PTH1R: variants seen among roughly 807,000 people sequenced by gnomAD.
PTH1R encodes the protein parathyroid hormone/parathyroid hormone-related peptide receptor.
A neutral mutation model predicts 70.7 loss-of-function variants in PTH1R; 32 were observed. That is an observed-to-expected ratio of 0.45 (90% CI 0.34 to 0.61). PTH1R has a LOEUF of 0.61. Ranked by LOEUF, PTH1R falls within the 20% of genes least tolerant of loss-of-function variation. The pLI is 0.01. For missense variants in PTH1R, 626 were observed against 792.5 expected (o/e 0.79, Z 2.52); for synonymous variants, 329 against 324.8 (o/e 1.01, Z -0.14).
intron 4 of PTH1R, among the ~76,000 whole-genome samples, chr3:46,894,623 G>A (rs547197842): frequency 7.4e-4 from 112 of 152,090 alleles, no homozygotes; most frequent in African/African-American, 2.7e-3. Context: ...CATCCACCAT[G>A]GAGCCTCTCG....
At chr3:46,898,552 C>G (rs2031906398) in intron 8 of PTH1R, 80 bp downstream of exon 8, 1 of 1,597,780 alleles carries the variant, frequency 6.3e-7, no homozygotes. Flanking sequence ...CCCCTCCCTG[C>G]ACCCATCACC....
In PTH1R at chr3:46,892,436, G is replaced by A. The variant is rs1364982760; in HGVS notation, c.76-1471G>A. ...AACGCGCACGGACGGGCACACACAA[G>A]TGCACGCGCCGGCCACTCGAGAATG... is the stretch of plus-strand genomic sequence containing the variant. On this transcript the variant is annotated intron_variant, in intron 3 of 15. Transcript: ENST00000449590. The surrounding 1 kb of genome is among the most constrained non-coding windows in gnomAD (Gnocchi z 5.2). 6.6e-6 allele frequency among the ~76,000 whole-genome samples: 1 copy of A among 152,218 alleles called. No homozygotes were observed. The highest frequency in any genetic ancestry group is 1.5e-5 in the Non-Finnish European group (1 of 68,034).
At position 46,896,277 on chromosome 3, in the gene PTH1R, A is replaced by G. The variant is rs1292809820; in HGVS notation, c.313+408A>G. ...GGCAGGGAGAGACAGTCACAGAGATAGAGGGGACCAGGAGGCACACACTGA... is the reference window on the plus strand; with the variant it reads ...GGCAGGGAGAGACAGTCACAGAGATGGAGGGGACCAGGAGGCACACACTGA... On this transcript the variant is annotated intron_variant, in intron 5 of 15. Transcript: ENST00000449590. The surrounding 1 kb of genome is among the most constrained non-coding windows in gnomAD (Gnocchi z 4.1). 6.6e-6 allele frequency among the ~76,000 whole-genome samples: 1 copy of G among 152,116 alleles called. No individual in the cohort carries two copies. The highest frequency in any genetic ancestry group is 1.5e-5 in the Non-Finnish European group (1 of 68,022).
rs1228518305 is a variant in PTH1R at position 46,883,568 on chromosome 3, C to T, written c.9C>T (p.Thr3=). 4 of 1,537,240 alleles carry T rather than the reference C, an allele frequency of 2.6e-6. No individual in the cohort carries two copies. Among genetic ancestry groups the T allele is most frequent in the African/African-American group, 1.4e-5 (1 of 73,056 alleles). MG[T]ARIAPGLALL... ...GGCCCTAGGCGGTGGCGATGGGGAC[C>T]GCCCGGATCGCACCCGGCCTGGCGC... Residue 3 remains threonine (T), a synonymous_variant, in exon 3 of 16, where the codon ACC becomes ACT. Coordinates refer to ENST00000449590, the MANE Select transcript of PTH1R (RefSeq NM_000316.3). This position sits in a 1 kb window ranked among gnomAD's most constrained non-coding sequence, Gnocchi z 6.4.
Position 46,901,638 on chromosome 3 carries a change from G to T in PTH1R, c.1117-128G>T. 1 of 1,365,042 alleles carries T rather than the reference G, an allele frequency of 7.3e-7. No homozygotes were observed. Among genetic ancestry groups the T allele is most frequent in the South Asian group, 1.2e-5 (1 of 80,430 alleles). 84.6% of individuals were successfully genotyped at this position (1,365,042 alleles called of 1,614,324 possible). A position where few individuals can be genotyped will look rare whatever the true frequency, so the allele number is the denominator to read the frequency against. On this transcript the variant is annotated intron_variant, in intron 12 of 15. Transcript: ENST00000449590. The surrounding 1 kb of genome is among the most constrained non-coding windows in gnomAD (Gnocchi z 7.3). ...GCTGATCCACACTCCAGCCCAGAAA[G>T]GAAAACCAAGGGCTCAAGGAGCCAC... is the stretch of plus-strand genomic sequence containing the variant.
intron 3 of PTH1R, among the ~76,000 whole-genome samples, chr3:46,886,803 A>G (rs761544602): frequency 2.0e-5 from 3 of 152,234 alleles, no homozygotes; most frequent in Non-Finnish European, 4.4e-5. Flanking sequence ...TGAGAGTCAC[A>G]CAGTGAGTCT....
Position 46,892,346 on chromosome 3 carries a change from G to A in PTH1R, c.76-1561G>A, listed in dbSNP as rs200128970. Among the ~76,000 whole-genome samples the A allele has an allele frequency of 6.6e-6, 1 of 152,180 alleles. No individual in the cohort carries two copies. Among genetic ancestry groups the A allele is most frequent in the African/African-American group, 2.4e-5 (1 of 41,444 alleles). On this transcript the variant is annotated intron_variant, in intron 3 of 15. Coordinates refer to ENST00000449590, the MANE Select transcript of PTH1R (RefSeq NM_000316.3). This position sits in a 1 kb window ranked among gnomAD's most constrained non-coding sequence, Gnocchi z 5.2. ...CCTATGCCCAGAAATACATGTGCAC[G>A]TGCATGCTCACAAACACGTCCGGCT...
At chr3:46,898,214 A>G in intron 7 of PTH1R, 22 bp downstream of exon 7, 1 of 1,610,974 alleles carries the variant, frequency 6.2e-7, no homozygotes. Flanking sequence ...TCTCCTCCCC[A>G]ACCTGACCAG....
chr3:46,898,497 G>A (rs752648670), intron 8 of PTH1R, 25 bp downstream of exon 8: 2 of 1,612,294 alleles, frequency 1.2e-6, no homozygotes, highest in Non-Finnish European at 1.7e-6. Context: ...GCGAGAGGCG[G>A]CGGGACATGG....
chr3:46,901,029 G>T lies in PTH1R; in HGVS notation c.993G>T (p.Leu331=). Reference sequence around the variant, plus strand: ...TGTCCCCCTCTGTGCCCACAGGTCTGCCCGCTGTCTTCGTGGCTGTGTGGG... The same window carrying T: ...TGTCCCCCTCTGTGCCCACAGGTCTTCCCGCTGTCTTCGTGGCTGTGTGGG... ...LWGFTVFGWG[L]PAVFVAVWVS... is the part of the protein sequence containing the mutation. Residue 331 remains leucine (L), a synonymous_variant, in exon 11 of 16, where the codon CTG becomes CTT. Coordinates refer to ENST00000449590, the MANE Select transcript of PTH1R (RefSeq NM_000316.3). The surrounding 1 kb of genome is among the most constrained non-coding windows in gnomAD (Gnocchi z 7.3). The T allele has an allele frequency of 6.3e-7, 1 of 1,582,518 alleles. No individual in the cohort carries two copies. The highest frequency in any genetic ancestry group is 1.7e-4 in the Middle Eastern group (1 of 6,024).
rs1196129114 is a variant in PTH1R at position 46,903,356 on chromosome 3, T to C, written c.1482T>C (p.Tyr494=). 2 of 1,613,694 alleles carry C rather than the reference T, an allele frequency of 1.2e-6. No individual in the cohort carries two copies. The highest frequency in any genetic ancestry group is 1.1e-5 in the South Asian group (1 of 91,080). ...KRKARSGSSS[Y]SYGPMVSHTS... is the part of the protein sequence containing the mutation. ...AGGCACGCAGCGGGAGCAGCAGCTA[T>C]AGCTACGGCCCCATGGTGTCCCACA... Residue 494 remains tyrosine, a synonymous_variant, in exon 16 of 16, where the codon TAT becomes TAC. Transcript: ENST00000449590. The surrounding 1 kb of genome is among the most constrained non-coding windows in gnomAD (Gnocchi z 4.4).
rs1224642916 is a variant in PTH1R, at chr3:46,899,528, T to TG, written c.988+78dup. On this transcript the variant is annotated intron_variant, in intron 10 of 15. Transcript: ENST00000449590. ...TGGGTGACAGGGAGAGGGCAGCCCC[T>TG]GGGGGGAGGCGCCCACACAGCACAT... 16 of 1,554,954 alleles carry TG rather than the reference T, an allele frequency of 1.0e-5. No homozygotes were observed. The East Asian group carries it at 2.9e-4, about 29-fold the overall frequency.
chr3:46,903,353 C>T lies in PTH1R; in HGVS notation c.1479C>T (p.Ser493=), dbSNP rs2032244827. ...FKRKARSGSS[S]YSYGPMVSHT... ...GAAAGGCACGCAGCGGGAGCAGCAG[C>T]TATAGCTACGGCCCCATGGTGTCCC... The change falls in exon 16 of 16, where the codon AGC becomes AGT. Residue 493 remains serine (S), a synonymous_variant. Transcript: ENST00000449590. This position sits in a 1 kb window ranked among gnomAD's most constrained non-coding sequence, Gnocchi z 4.4. 6.2e-7 allele frequency: 1 copy of T among 1,613,588 alleles called. No homozygotes were observed. Among genetic ancestry groups the T allele is most frequent in the African/African-American group, 1.3e-5 (1 of 74,940 alleles).
Position 46,895,867 on chromosome 3 carries a change from G to A in PTH1R, c.311G>A (p.Arg104Gln), listed in dbSNP as rs199875878. 125 of 1,612,820 alleles carry A rather than the reference G, an allele frequency of 7.8e-5. 1 individual carries two copies. The highest frequency in any genetic ancestry group is 1.9e-4 in the South Asian group (17 of 90,964). ...DKEAPTGSRY[R>Q]GRPCLPEWDH... ...GAGGCACCCACTGGCAGCAGGTACC[G>A]AGGTACGTCTCTGCTTCCATGCATC... is the stretch of plus-strand genomic sequence containing the variant. Residue 104 changes from arginine to glutamine, a missense_variant and splice_region_variant, in exon 5 of 16, where the codon CGA becomes CAA. Coordinates refer to ENST00000449590, the MANE Select transcript of PTH1R (RefSeq NM_000316.3).
chr3:46,895,636 C>T lies in PTH1R; in HGVS notation c.179-99C>T, dbSNP rs535631134. 401 of 1,572,536 alleles carry T rather than the reference C, an allele frequency of 2.6e-4. 2 individuals are homozygous for T. The African/African-American group carries it at 4.5e-3, about 18-fold the overall frequency. ...AGGTGTCACCAGGGCAGGAGACAACCCCCCCATTGTACAAAGGGGGAGTCT... is the reference window on the plus strand; with the variant it reads ...AGGTGTCACCAGGGCAGGAGACAACTCCCCCATTGTACAAAGGGGGAGTCT... On this transcript the variant is annotated intron_variant, in intron 4 of 15. Transcript: ENST00000449590.
intron 10 of PTH1R, among the ~76,000 whole-genome samples, chr3:46,899,796 C>T (rs1216262006): frequency 6.6e-6 from 1 of 152,182 alleles, no homozygotes; most frequent in Non-Finnish European, 1.5e-5. Flanking sequence ...ATCCGGGACC[C>T]TCCCTCTACC....
rs201032374 is a variant in PTH1R, at chr3:46,893,886, G to C, written c.76-21G>C. 10 of 1,612,442 alleles carry C rather than the reference G, an allele frequency of 6.2e-6. No individual in the cohort carries two copies. The highest frequency in any genetic ancestry group is 7.6e-6 in the Non-Finnish European group (9 of 1,178,982). On this transcript the variant is annotated intron_variant, in intron 3 of 15. Transcript: ENST00000449590. The surrounding 1 kb of genome is among the most constrained non-coding windows in gnomAD (Gnocchi z 5.2). ...GCTGCGCCGGAAAGTCCTGCCTGTG[G>C]TCTGACCTTCGGCTTGGCAGGTGGA...
chr3:46,888,513 G>C (rs2031180359), intron 3 of PTH1R, among the ~76,000 whole-genome samples: 1 of 152,190 alleles, frequency 6.6e-6, no homozygotes, highest in African/African-American at 2.4e-5. Flanking sequence ...CAGAAGGAGA[G>C]TCCTCAGGAA....
Position 46,903,541 on chromosome 3 carries a change from C to A in PTH1R, c.1667C>A (p.Ala556Asp). The A allele has an allele frequency of 4.3e-6, 7 of 1,614,050 alleles. No individual in the cohort carries two copies. The highest frequency in any genetic ancestry group is 5.9e-6 in the Non-Finnish European group (7 of 1,180,042). Residue 556 changes from alanine to aspartate, a missense_variant, in exon 16 of 16, where the codon GCT becomes GAT. Ala to Asp is a moderately radical substitution (Grantham distance 126, BLOSUM62 -2). Transcript: ENST00000449590. The surrounding 1 kb of genome is among the most constrained non-coding windows in gnomAD (Gnocchi z 4.4). ...CTCGAGACCACACCACCTGCCATGG[C>A]TGCTCCCAAGGACGATGGGTTCCTC... Reference protein sequence around the residue: ...ETLETTPPAMAAPKDDGFLNG... With the variant: ...ETLETTPPAMDAPKDDGFLNG...
Sources: allele counts gnomAD v4.1 joint callset (sites outside exome capture counted in the v4.1 genomes callset), GRCh38; gene constraint gnomAD v4.1.1; non-coding constraint Gnocchi (gnomAD v3.1); transcripts MANE v1.5; gene names NCBI Gene and HGNC (gene_info 2026-07-23, HGNC 2026-07-21).